Variants in ZBTB42 observed in about 807,000 individuals in gnomAD.
ZBTB42 encodes the protein zinc finger and BTB domain containing 42, also known as zinc finger and BTB domain-containing protein 42.
In ZBTB42, 3 loss-of-function variants were observed where a neutral mutation model predicts 4.7. The ratio of observed to expected loss-of-function variants is 0.64; its 90% CI spans 0.29 to 1.66. The LOEUF is 1.66. ZBTB42 is among the 40% of genes most tolerant of loss of function. ZBTB42 has a pLI of 0.10. For missense variants in ZBTB42, 521 were observed against 577.1 expected (o/e 0.90, Z 1.00); for synonymous variants, 255 against 259.5 (o/e 0.98, Z 0.17).
At position 104,803,020 on chromosome 14, in the gene ZBTB42, G is replaced by A. The variant is rs1292343193; in HGVS notation, c.*554G>A. 6.2e-6 allele frequency: 1 copy of A among 160,572 alleles called. No homozygotes were observed. Among genetic ancestry groups the A allele is most frequent in the African/African-American group, 2.5e-5 (1 of 39,978 alleles). 9.9% of individuals were successfully genotyped at this position (160,572 alleles called of 1,614,324 possible). On this transcript the variant is annotated 3_prime_UTR_variant, in exon 1 of 1. Coordinates refer to ENST00000342537, the MANE Select transcript of ZBTB42 (RefSeq NM_001137601.3). ...AGGAACCCCTGCCAGGAAGGCCTGG[G>A]GCACAGTGAGTGCCAGCAGGGGCCA... is the stretch of plus-strand genomic sequence containing the variant.
Position 104,802,073 on chromosome 14 carries a change from C to A in ZBTB42, c.876C>A (p.Pro292=). The part of the protein sequence containing the change: ...ASEDELGPGG[P]LCICPLCSKL... ...AGGACGAGCTGGGGCCTGGTGGGCC[C>A]CTCTGCATCTGCCCGTTGTGCAGCA... The change falls in exon 1 of 1, where the codon CCC becomes CCA. Residue 292 remains proline, a synonymous_variant. Coordinates refer to ENST00000342537, the MANE Select transcript of ZBTB42 (RefSeq NM_001137601.3). This position sits in a 1 kb window ranked among gnomAD's most constrained non-coding sequence, Gnocchi z 5.9. 6.6e-7 allele frequency: 1 copy of A among 1,508,116 alleles called. No individual in the cohort carries two copies. Among genetic ancestry groups the A allele is most frequent in the Non-Finnish European group, 8.9e-7 (1 of 1,128,270 alleles). The allele number at this position is 1,508,116 out of a possible 1,614,324, so 93.4% of individuals were successfully genotyped here.
Position 104,803,059 on chromosome 14 carries a change from G to A in ZBTB42, c.*593G>A, listed in dbSNP as rs1331937705. On this transcript the variant is annotated 3_prime_UTR_variant, in exon 1 of 1. Transcript: ENST00000342537. ...CAGCAGGGGCCATCTGGGCACAGCT[G>A]GTGTCTCGGGGTGGGGGGGGGGGTG... The A allele has an allele frequency of 1.6e-5, 2 of 124,416 alleles. No homozygotes were observed. The highest frequency in any genetic ancestry group is 6.3e-5 in the African/African-American group (2 of 31,754). 7.7% of individuals were successfully genotyped at this position (124,416 alleles called of 1,614,324 possible).
At position 104,802,325 on chromosome 14, in the gene ZBTB42, C is replaced by G; in HGVS notation, c.1128C>G (p.Asn376Lys). The G allele has an allele frequency of 6.4e-7, 1 of 1,550,492 alleles. No individual in the cohort carries two copies. ...QCGKSFQYSH[N>K]LSRHTVVHTR... is the part of the protein sequence containing the mutation. ...GCAAAAGTTTTCAGTACTCCCACAA[C>G]CTGAGCCGGCACACCGTAGTGCACA... Residue 376 changes from asparagine (N) to lysine (K), a missense_variant, in exon 1 of 1, where the codon AAC (asparagine) becomes AAG (lysine). Asn to Lys is a moderately conservative substitution (Grantham distance 94). Coordinates refer to ENST00000342537, the MANE Select transcript of ZBTB42 (RefSeq NM_001137601.3). The surrounding 1 kb of genome is among the most constrained non-coding windows in gnomAD (Gnocchi z 5.9).
Position 104,801,410 on chromosome 14 carries a change from C to T in ZBTB42, c.213C>T (p.Val71=), listed in dbSNP as rs1383820397. ...RDTVRLNGDI[V]TAPAFGRLLD... is the part of the protein sequence containing the mutation. ...CGGTGCGGCTCAACGGCGACATCGTCACGGCGCCCGCCTTCGGCCGCCTAC... is the reference window on the plus strand; with the variant it reads ...CGGTGCGGCTCAACGGCGACATCGTTACGGCGCCCGCCTTCGGCCGCCTAC... The change falls in exon 1 of 1, where the codon GTC becomes GTT. Residue 71 remains valine, a synonymous_variant. Coordinates refer to ENST00000342537, the MANE Select transcript of ZBTB42 (RefSeq NM_001137601.3). This position sits in a 1 kb window ranked among gnomAD's most constrained non-coding sequence, Gnocchi z 4.4. 2.6e-6 allele frequency: 4 copies of T among 1,548,160 alleles called. No individual in the cohort carries two copies. The highest frequency in any genetic ancestry group is 3.5e-6 in the Non-Finnish European group (4 of 1,145,642).
chr14:104,800,959 C>G, upstream of ZBTB42: 1 of 417,450 alleles, frequency 2.4e-6, no homozygotes, highest in Non-Finnish European at 4.1e-6. This position sits in a 1 kb window ranked among gnomAD's most constrained non-coding sequence, Gnocchi z 5.3. Context: ...GTTTGCGCGG[C>G]TCCGGCTCCT....
Position 104,802,035 on chromosome 14 carries a change from C to A in ZBTB42, c.838C>A (p.Arg280=). The A allele has an allele frequency of 6.7e-7, 1 of 1,494,738 alleles. No homozygotes were observed. Among genetic ancestry groups the A allele is most frequent in the Non-Finnish European group, 8.9e-7 (1 of 1,122,132 alleles). 92.6% of individuals were successfully genotyped at this position (1,494,738 alleles called of 1,614,324 possible). A position where few individuals can be genotyped will look rare whatever the true frequency, so the allele number is the denominator to read the frequency against. ...GSRELELGAG[R]LASEDELGPG... The stretch of plus-strand genomic sequence containing the variant: ...CCGGGAGCTGGAGCTTGGTGCAGGG[C>A]GACTGGCGAGTGAGGACGAGCTGGG... Residue 280 remains arginine (R), a synonymous_variant, in exon 1 of 1, where the codon CGA becomes AGA. Transcript: ENST00000342537. The surrounding 1 kb of genome is among the most constrained non-coding windows in gnomAD (Gnocchi z 5.9).
At position 104,801,661 on chromosome 14, in the gene ZBTB42, G is replaced by C; in HGVS notation, c.464G>C (p.Arg155Pro). The C allele has an allele frequency of 6.5e-7, 1 of 1,550,256 alleles. No individual in the cohort carries two copies. Among genetic ancestry groups the C allele is most frequent in the Non-Finnish European group, 8.7e-7 (1 of 1,146,918 alleles). Residue 155 changes from arginine to proline, a missense_variant, in exon 1 of 1, where the codon CGA becomes CCA. Transcript: ENST00000342537. The surrounding 1 kb of genome is among the most constrained non-coding windows in gnomAD (Gnocchi z 4.4). Reference protein sequence around the residue: ...VWTADLCPAARKAKLPPFGVK... With the variant: ...VWTADLCPAAPKAKLPPFGVK... ...ACCGCGGACCTCTGCCCAGCTGCCC[G>C]AAAGGCCAAGCTCCCCCCGTTTGGG...
chr14:104,802,231 G>A lies in ZBTB42; in HGVS notation c.1034G>A (p.Cys345Tyr). ...TCPLCGKTFSCTYTLKRHERT... is the reference protein window; with the variant it reads ...TCPLCGKTFSYTYTLKRHERT... ...CCGCTCTGTGGGAAGACCTTCTCGTGCACATACACACTGAAGAGGCACGAG... is the reference window on the plus strand; with the variant it reads ...CCGCTCTGTGGGAAGACCTTCTCGTACACATACACACTGAAGAGGCACGAG... Residue 345 changes from cysteine (C) to tyrosine (Y), a missense_variant, in exon 1 of 1, where the codon TGC becomes TAC. Coordinates refer to ENST00000342537, the MANE Select transcript of ZBTB42 (RefSeq NM_001137601.3). The surrounding 1 kb of genome is among the most constrained non-coding windows in gnomAD (Gnocchi z 5.9). The A allele has an allele frequency of 1.9e-6, 3 of 1,550,190 alleles. No homozygotes were observed. The highest frequency in any genetic ancestry group is 2.4e-5 in the East Asian group (1 of 40,938).
Position 104,801,835 on chromosome 14 carries a change from G to A in ZBTB42, c.638G>A (p.Ser213Asn). ...PPCVLQTPLC[S>N]QRQPGAQPLV... The stretch of plus-strand genomic sequence containing the variant: ...TGCGTCCTCCAGACACCCCTCTGCA[G>A]CCAGAGGCAGCCAGGGGCCCAGCCA... The change falls in exon 1 of 1, where the codon AGC becomes AAC. Residue 213 changes from serine to asparagine, a missense_variant. Ser to Asn is a conservative substitution (Grantham distance 46). Coordinates refer to ENST00000342537, the MANE Select transcript of ZBTB42 (RefSeq NM_001137601.3). The surrounding 1 kb of genome is among the most constrained non-coding windows in gnomAD (Gnocchi z 4.4). 6.5e-7 allele frequency: 1 copy of A among 1,550,130 alleles called. No individual in the cohort carries two copies. Among genetic ancestry groups the A allele is most frequent in the Non-Finnish European group, 8.7e-7 (1 of 1,146,872 alleles).
chr14:104,801,151 C>T lies in ZBTB42; in HGVS notation c.-47C>T, dbSNP rs1481384805. 1.4e-6 allele frequency: 2 copies of T among 1,382,002 alleles called. No homozygotes were observed. The highest frequency in any genetic ancestry group is 3.1e-5 in the African/African-American group (2 of 65,182). 85.6% of individuals were successfully genotyped at this position (1,382,002 alleles called of 1,614,324 possible). ...AGGGCGCTTCGTGGGCGCCTCCAGG[C>T]GCGCTGACGGGCGTCCCGTTTGTGC... On this transcript the variant is annotated 5_prime_UTR_variant, in exon 1 of 1. Coordinates refer to ENST00000342537, the MANE Select transcript of ZBTB42 (RefSeq NM_001137601.3). The surrounding 1 kb of genome is among the most constrained non-coding windows in gnomAD (Gnocchi z 4.4).
Position 104,801,467 on chromosome 14 carries a change from G to A in ZBTB42, c.270G>A (p.Leu90=), listed in dbSNP as rs1443831800. Residue 90 remains leucine (L), a synonymous_variant, in exon 1 of 1, where the codon CTG becomes CTA. Transcript: ENST00000342537. The surrounding 1 kb of genome is among the most constrained non-coding windows in gnomAD (Gnocchi z 4.4). The part of the protein sequence containing the change: ...LDFMYEGRLD[L]RSLPVEDVLA... ...TCATGTACGAGGGCCGCCTGGACCTGCGCAGCCTGCCTGTGGAGGACGTCC... is the reference window on the plus strand; with the variant it reads ...TCATGTACGAGGGCCGCCTGGACCTACGCAGCCTGCCTGTGGAGGACGTCC... 3.9e-6 allele frequency: 6 copies of A among 1,550,180 alleles called. No homozygotes were observed. The East Asian group carries it at 7.3e-5, about 19-fold the overall frequency.
rs1853296607 is a variant in ZBTB42, at chr14:104,801,492, C to T, written c.295C>T (p.Leu99=). ...GCGCAGCCTGCCTGTGGAGGACGTC[C>T]TGGCAGCCGCCAGCTACCTGCACAT... is the stretch of plus-strand genomic sequence containing the variant. ...DLRSLPVEDV[L]AAASYLHMYD... The change falls in exon 1 of 1, where the codon CTG becomes TTG. Residue 99 remains leucine, a synonymous_variant. Transcript: ENST00000342537. This position sits in a 1 kb window ranked among gnomAD's most constrained non-coding sequence, Gnocchi z 4.4. 1.9e-6 allele frequency: 3 copies of T among 1,550,108 alleles called. No homozygotes were observed. Among genetic ancestry groups the T allele is most frequent in the Admixed American group, 2.0e-5 (1 of 50,994 alleles).
Position 104,801,972 on chromosome 14 carries a change from G to T in ZBTB42, c.775G>T (p.Val259Leu). 1 of 1,516,842 alleles carries T rather than the reference G, an allele frequency of 6.6e-7. No individual in the cohort carries two copies. 94.0% of individuals were successfully genotyped at this position (1,516,842 alleles called of 1,614,324 possible). A position where few individuals can be genotyped will look rare whatever the true frequency, so the allele number is the denominator to read the frequency against. ...TGTTCCTGCAGCCAAGGGCCTGGTG[G>T]TGGGCTTGCAGCCGCTGCCCCTCAG... is the stretch of plus-strand genomic sequence containing the variant. ...PPVPAAKGLV[V>L]GLQPLPLSGE... The change falls in exon 1 of 1, where the codon GTG (valine) becomes TTG (leucine). Residue 259 changes from valine (V) to leucine (L), a missense_variant. Transcript: ENST00000342537. This position sits in a 1 kb window ranked among gnomAD's most constrained non-coding sequence, Gnocchi z 4.4.
Position 104,802,813 on chromosome 14 carries a change from G to A in ZBTB42, c.*347G>A, listed in dbSNP as rs558566527. ...CACCTGGCTCTGCCCCCGTTTCTCC[G>A]TGTGAGATGGCACATCCATCTCCCG... On this transcript the variant is annotated 3_prime_UTR_variant, in exon 1 of 1. Coordinates refer to ENST00000342537, the MANE Select transcript of ZBTB42 (RefSeq NM_001137601.3). The surrounding 1 kb of genome is among the most constrained non-coding windows in gnomAD (Gnocchi z 5.9). The A allele has an allele frequency of 1.0e-3, 354 of 348,388 alleles. 1 individual carries two copies. The highest frequency in any genetic ancestry group is 9.7e-3 in the South Asian group (231 of 23,780). The allele number at this position is 348,388 out of a possible 1,614,324, so 21.6% of individuals were successfully genotyped here.
In ZBTB42 at chr14:104,801,285, G is replaced by T. The variant is rs889402317; in HGVS notation, c.88G>T (p.Val30Leu). Reference sequence around the variant, plus strand: ...CTTCCTATGCGACTGCACCGTGCTGGTGGGCGACGCGCGCTTCCCGGCCCA... The same window carrying T: ...CTTCCTATGCGACTGCACCGTGCTGTTGGGCGACGCGCGCTTCCCGGCCCA... ...LGFLCDCTVLVGDARFPAHRA... is the reference protein window; with the variant it reads ...LGFLCDCTVLLGDARFPAHRA... Residue 30 changes from valine to leucine, a missense_variant, in exon 1 of 1, where the codon GTG becomes TTG. Coordinates refer to ENST00000342537, the MANE Select transcript of ZBTB42 (RefSeq NM_001137601.3). The surrounding 1 kb of genome is among the most constrained non-coding windows in gnomAD (Gnocchi z 4.4). 1.9e-6 allele frequency: 3 copies of T among 1,543,124 alleles called. No homozygotes were observed. Among genetic ancestry groups the T allele is most frequent in the Non-Finnish European group, 2.6e-6 (3 of 1,145,180 alleles).
At position 104,804,146 on chromosome 14, in the gene ZBTB42, G is replaced by GTGT. The variant is rs1555386418; in HGVS notation, c.*1680_*1681insTGT. Reference sequence around the variant, plus strand: ...TGTGATGTGCTCCATAATCGGGTGGGGGGTGTGTGTGTGTGTGTGTGTGTG... The same window carrying GTGT: ...TGTGATGTGCTCCATAATCGGGTGGGTGTGGGTGTGTGTGTGTGTGTGTGTGTG... On this transcript the variant is annotated 3_prime_UTR_variant, in exon 1 of 1. Transcript: ENST00000342537. 7.5e-5 allele frequency: 2 copies of GTGT among 26,628 alleles called. No homozygotes were observed. Among genetic ancestry groups the GTGT allele is most frequent in the Non-Finnish European group, 7.0e-4 (1 of 1,430 alleles). 1.6% of individuals were successfully genotyped at this position (26,628 alleles called of 1,614,324 possible). A position where few individuals can be genotyped will look rare whatever the true frequency, so the allele number is the denominator to read the frequency against.
Position 104,802,133 on chromosome 14 carries a change from C to G in ZBTB42, c.936C>G (p.His312Gln). The change falls in exon 1 of 1, where the codon CAC (histidine) becomes CAG (glutamine). Residue 312 changes from histidine to glutamine, a missense_variant. His to Gln is a conservative substitution (Grantham distance 24, BLOSUM62 0). Coordinates refer to ENST00000342537, the MANE Select transcript of ZBTB42 (RefSeq NM_001137601.3). This position sits in a 1 kb window ranked among gnomAD's most constrained non-coding sequence, Gnocchi z 5.9. The part of the protein sequence containing the change: ...LFPSSHVLQL[H>Q]LSAHFRERDS... ...CCAGCTCCCACGTGCTGCAGCTGCACCTCAGTGCCCACTTCCGTGAGCGAG... is the reference window on the plus strand; with the variant it reads ...CCAGCTCCCACGTGCTGCAGCTGCAGCTCAGTGCCCACTTCCGTGAGCGAG... 1 of 1,540,806 alleles carries G rather than the reference C, an allele frequency of 6.5e-7. No individual in the cohort carries two copies. Among genetic ancestry groups the G allele is most frequent in the African/African-American group, 1.4e-5 (1 of 73,110 alleles).
Position 104,802,264 on chromosome 14 carries a change from A to C in ZBTB42, c.1067A>C (p.His356Pro). 1 of 1,550,300 alleles carries C rather than the reference A, an allele frequency of 6.5e-7. No individual in the cohort carries two copies. The highest frequency in any genetic ancestry group is 2.4e-5 in the East Asian group (1 of 40,914). Residue 356 changes from histidine to proline, a missense_variant, in exon 1 of 1, where the codon CAC becomes CCC. Physicochemically the swap from His to Pro is moderately conservative, Grantham distance 77. Transcript: ENST00000342537. This position sits in a 1 kb window ranked among gnomAD's most constrained non-coding sequence, Gnocchi z 5.9. ...TYTLKRHERT[H>P]SGEKPYTCVQ... ...ACACTGAAGAGGCACGAGCGGACACACTCGGGTGAGAAGCCCTATACGTGT... is the reference window on the plus strand; with the variant it reads ...ACACTGAAGAGGCACGAGCGGACACCCTCGGGTGAGAAGCCCTATACGTGT...
At chr14:104,801,057 G>C (rs1011584130), upstream of ZBTB42, 12 of 1,126,090 alleles carry the variant, frequency 1.1e-5, no homozygotes, top group Non-Finnish European at 1.3e-5. The surrounding 1 kb of genome is among the most constrained non-coding windows in gnomAD (Gnocchi z 4.4). Context: ...AGGTGCCCGC[G>C]GCGGCTCTGG....
Sources: gnomAD v4.1 joint callset for allele counts on GRCh38, gnomAD v4.1.1 for gene constraint, Gnocchi (gnomAD v3.1) non-coding constraint, MANE v1.5 for transcripts, NCBI Gene and HGNC (gene_info 2026-07-23, HGNC 2026-07-21) for gene names.